The following FAM200A variants were observed in gnomAD, a reference collection of about 807,000 sequenced individuals.
FAM200A encodes the protein protein FAM200A.
Under a neutral mutation model 44.2 loss-of-function variants are expected in FAM200A, and 26 were observed. That is an observed-to-expected ratio of 0.59 (90% CI 0.43 to 0.82). FAM200A has a LOEUF of 0.82. FAM200A is among the 40% of genes least tolerant of loss of function. The pLI, the probability that FAM200A is intolerant of heterozygous loss-of-function variation, is 0.00. For synonymous variants in FAM200A, 206 were observed against 244.4 expected (o/e 0.84, Z 1.47); for missense variants, 606 against 669.5 (o/e 0.91, Z 1.05).
At chr7:99,557,687 AAAGGAATATCAGAATCTCCAAGAAGC>A in intron 1 of FAM200A, among the ~76,000 whole-genome samples, 1 of 152,350 alleles carries the variant, frequency 6.6e-6, no homozygotes. Flanking sequence ...TAAAGAGAGG[AAAGGAATATCAGAATCTCCAAGAAGC>A]TGATACATTT....
Position 99,547,993 on chromosome 7 carries a change from C to CTATACCGGACTGCAGCCG in FAM200A, c.397_414dup (p.Arg133_Ile138dup). The CTATACCGGACTGCAGCCG allele has an allele frequency of 2.6e-6, 4 of 1,551,468 alleles. No homozygotes were observed. The highest frequency in any genetic ancestry group is 3.5e-6 in the Non-Finnish European group (4 of 1,146,992). Reference sequence around the variant, plus strand: ...CTCTCATCGAGTTGGATTGCAAAGTCTATACCGGACTGCAGCCGTGTAATA... The same window carrying CTATACCGGACTGCAGCCG: ...CTCTCATCGAGTTGGATTGCAAAGTCTATACCGGACTGCAGCCGTATACCGGACTGCAGCCGTGTAATA... On this transcript the variant is annotated inframe_insertion, in exon 2 of 2. Transcript: ENST00000449309.
At chr7:99,555,761 C>G (rs1167088840), upstream of FAM200A, among the ~76,000 whole-genome samples, 1 of 152,020 alleles carries the variant, frequency 6.6e-6, no homozygotes, top group African/African-American at 2.4e-5. Context: ...TACAAAAATG[C>G]TGGGCATGGT....
intron 1 of FAM200A, among the ~76,000 whole-genome samples, chr7:99,550,110 AC>A (rs927371816): frequency 4.7e-5 from 7 of 148,188 alleles, no homozygotes; most frequent in Non-Finnish European, 6.0e-5. Context: ...TACTAAATGA[AC>A]CCCCCCCTTT....
upstream of FAM200A, among the ~76,000 whole-genome samples, chr7:99,555,797 T>G (rs748974605): frequency 3.3e-5 from 5 of 151,980 alleles, no homozygotes; most frequent in South Asian, 2.1e-4. Flanking sequence ...TCCCAGCTAC[T>G]AGGGAGGCTG....
chr7:99,549,325 T>C (rs1802475245), intron 1 of FAM200A, among the ~76,000 whole-genome samples: 1 of 152,034 alleles, frequency 6.6e-6, no homozygotes, highest in Non-Finnish European at 1.5e-5. Flanking sequence ...GTTTGTTTGC[T>C]TTTAGTACAC....
intron 1 of FAM200A, among the ~76,000 whole-genome samples, chr7:99,551,256 G>C (rs1007971900): frequency 1.3e-5 from 2 of 151,930 alleles, no homozygotes; most frequent in Admixed American, 1.3e-4. Context: ...CTGGAGTGCA[G>C]TGACGCGATC....
intron 1 of FAM200A, among the ~76,000 whole-genome samples, chr7:99,549,432 T>G (rs1017863782): frequency 6.6e-6 from 1 of 152,178 alleles, no homozygotes; most frequent in Non-Finnish European, 1.5e-5. Flanking sequence ...GAAATAGGAA[T>G]ACTTTTACGT....
At chr7:99,557,102 C>G (rs1283369653), upstream of FAM200A, among the ~76,000 whole-genome samples, 1 of 152,212 alleles carries the variant, frequency 6.6e-6, no homozygotes, top group Non-Finnish European at 1.5e-5. Flanking sequence ...CCTCTGTCAT[C>G]TGGCAAACTG....
At chr7:99,555,519 C>T (rs946617005), upstream of FAM200A, among the ~76,000 whole-genome samples, 5 of 152,188 alleles carry the variant, frequency 3.3e-5, no homozygotes, top group African/African-American at 1.2e-4. Context: ...CATACAGCAC[C>T]TGTATCCATC....
At position 99,548,550 on chromosome 7, in the gene FAM200A, G is replaced by A. The variant is rs1802445868; in HGVS notation, c.-99-44C>T. On this transcript the variant is annotated intron_variant, in intron 1 of 1. Transcript: ENST00000449309. Reference sequence around the variant, plus strand: ...TAACAGCAGTATTAAAAAGCAACATGGTATTGCTGGGCTAACAACTCATAC... The same window carrying A: ...TAACAGCAGTATTAAAAAGCAACATAGTATTGCTGGGCTAACAACTCATAC... 23 of 1,395,674 alleles carry A rather than the reference G, an allele frequency of 1.6e-5. No homozygotes were observed. The South Asian group carries it at 2.9e-4, about 18-fold the overall frequency. 86.5% of individuals were successfully genotyped at this position (1,395,674 alleles called of 1,614,324 possible).
At position 99,552,045 on chromosome 7, in the gene FAM200A, A is replaced by C; in HGVS notation, c.-291T>G. The C allele has an allele frequency of 1.0e-6, 1 of 985,572 alleles. No individual in the cohort carries two copies. Among genetic ancestry groups the C allele is most frequent in the Non-Finnish European group, 1.2e-6 (1 of 830,042 alleles). 61.1% of individuals were successfully genotyped at this position (985,572 alleles called of 1,614,324 possible). Reference sequence around the variant, plus strand: ...GGATGCTGGGATAGAAGGGGTTGTGACTTTGGGGACCAGGAGCACTAGACT... The same window carrying C: ...GGATGCTGGGATAGAAGGGGTTGTGCCTTTGGGGACCAGGAGCACTAGACT... On this transcript the variant is annotated 5_prime_UTR_variant, in exon 1 of 2. Coordinates refer to ENST00000449309, the MANE Select transcript of FAM200A (RefSeq NM_145111.4).
chr7:99,554,496 A>G (rs575760228), upstream of FAM200A, among the ~76,000 whole-genome samples: 121 of 151,634 alleles, frequency 8.0e-4, no homozygotes, highest in East Asian at 5.8e-3. Context: ...AAAAAAAAAA[A>G]AAAAGAAAAA....
upstream of FAM200A, among the ~76,000 whole-genome samples, chr7:99,555,730 GA>G (rs1450651897): frequency 6.6e-6 from 1 of 151,970 alleles, no homozygotes; most frequent in East Asian, 1.9e-4. Flanking sequence ...CTAACATGGT[GA>G]AACCCCTCCA....
Position 99,547,715 on chromosome 7 carries a change from T to G in FAM200A, c.693A>C (p.Ala231=), listed in dbSNP as rs1010166111. Residue 231 remains alanine (A), a synonymous_variant, in exon 2 of 2, where the codon GCA becomes GCC. Transcript: ENST00000449309. ...HSRLTEKLLE[A]THNNAVWNHC... is the part of the protein sequence containing the mutation. ...GATTCCAAACAGCATTGTTGTGGGT[T>G]GCTTCTAACAATTTTTCAGTAAGTC... 1 of 1,551,524 alleles carries G rather than the reference T, an allele frequency of 6.4e-7. No individual in the cohort carries two copies. The highest frequency in any genetic ancestry group is 8.7e-7 in the Non-Finnish European group (1 of 1,146,970).
rs940169358 is a variant in FAM200A at position 99,552,111 on chromosome 7, T to C, written c.-357A>G. 39 of 985,320 alleles carry C rather than the reference T, an allele frequency of 4.0e-5. No individual in the cohort carries two copies. The highest frequency in any genetic ancestry group is 4.6e-5 in the Non-Finnish European group (38 of 829,942). 61.0% of individuals were successfully genotyped at this position (985,320 alleles called of 1,614,324 possible). A position where few individuals can be genotyped will look rare whatever the true frequency, so the allele number is the denominator to read the frequency against. On this transcript the variant is annotated 5_prime_UTR_variant, in exon 1 of 2. Coordinates refer to ENST00000449309, the MANE Select transcript of FAM200A (RefSeq NM_145111.4). ...TGGCCTTCAGAGCCCAGGGAAAGCGTCACAAAAGCCGGAAGTGCGTCACAC... is the reference window on the plus strand; with the variant it reads ...TGGCCTTCAGAGCCCAGGGAAAGCGCCACAAAAGCCGGAAGTGCGTCACAC...
chr7:99,554,237 T>C (rs1016208862), upstream of FAM200A, among the ~76,000 whole-genome samples: 2 of 151,856 alleles, frequency 1.3e-5, no homozygotes. Flanking sequence ...TGTCAGCACT[T>C]TGGGAGGCTG....
rs147158824 is a variant in FAM200A, at chr7:99,557,628, G to A, written c.-100+672C>T. ...ACTGTGACGGGCACTGCAGACTAGA[G>A]AGATTGTGTCCTAGTATGAATTTAG... On this transcript the variant is annotated intron_variant, in intron 1 of 1. Transcript: ENST00000408938. Among the ~76,000 whole-genome samples, 848 of 152,310 alleles carry A rather than the reference G, an allele frequency of 5.6e-3. 6 individuals carry two copies. Among genetic ancestry groups the A allele is most frequent in the African/African-American group, 0.02 (816 of 41,564 alleles).
chr7:99,557,001 A>C (rs973095168), upstream of FAM200A, among the ~76,000 whole-genome samples: 2 of 152,210 alleles, frequency 1.3e-5, no homozygotes, highest in African/African-American at 4.8e-5. Flanking sequence ...GCGCCACTGC[A>C]CTCCAGCCTG....
chr7:99,557,794 G>A (rs1052213115), intron 1 of FAM200A, among the ~76,000 whole-genome samples: 2 of 152,208 alleles, frequency 1.3e-5, no homozygotes, highest in East Asian at 1.9e-4. Flanking sequence ...TAACATTAAA[G>A]AACAGCATTT....
Sources: gnomAD v4.1 joint callset for allele counts (sites outside exome capture counted in the v4.1 genomes callset) on GRCh38, gnomAD v4.1.1 for gene constraint, MANE v1.5 for transcripts, NCBI Gene and HGNC (gene_info 2026-07-23, HGNC 2026-07-21) for gene names.